The following CELSR1 variants were observed in gnomAD, a reference collection of about 807,000 sequenced individuals.
The protein encoded by CELSR1 is cadherin EGF LAG seven-pass G-type receptor 1, also known as adhesion G protein-coupled receptor C1.
Under a neutral mutation model 249.1 loss-of-function variants are expected in CELSR1, and 110 were observed. The observed-to-expected ratio is 0.44, with a 90% CI of 0.38 to 0.52. The LOEUF (loss-of-function observed/expected upper bound fraction) is 0.52. Among genes scored for constraint, CELSR1 ranks in the 20% least tolerant of loss-of-function variants. The probability of loss-of-function intolerance (pLI) is 0.00; values close to 1 mark genes in which losing one functional copy is unlikely to be tolerated. For missense variants in CELSR1, 4,109 were observed against 4,296.4 expected, an observed-to-expected ratio of 0.96 and a Z score of 1.22; for synonymous variants, 2,113 against 1,900.0, an observed-to-expected ratio of 1.11 and a Z score of -2.92.
At chr22:46,521,704 C>A (rs2080687531) in intron 1 of CELSR1, among the ~76,000 whole-genome samples, 2 of 151,710 alleles carry the variant, frequency 1.3e-5, no homozygotes, top group African/African-American at 4.8e-5. Flanking sequence ...ATAATCCCAG[C>A]TACTGGGGAG....
In CELSR1 at chr22:46,391,626, C is replaced by T. The variant is rs372050386; in HGVS notation, c.6148+7G>A. The T allele has an allele frequency of 2.9e-5, 46 of 1,589,336 alleles. No individual in the cohort carries two copies. Among genetic ancestry groups the T allele is most frequent in the South Asian group, 1.9e-4 (17 of 88,896 alleles). On this transcript the variant is annotated splice_region_variant and intron_variant, in intron 15 of 34. Transcript: ENST00000674500. The surrounding 1 kb of genome is among the most constrained non-coding windows in gnomAD (Gnocchi z 4.3). The stretch of plus-strand genomic sequence containing the variant: ...TAACCTGCAGGGTGTCGAGGGGCAA[C>T]GCGGACCTTCACAGCCGAGCGTGGT...
rs750829103 is a variant in CELSR1, at chr22:46,408,386, T to C, written c.5226+610A>G. 2.0e-4 allele frequency among the ~76,000 whole-genome samples: 30 copies of C among 152,256 alleles called. No homozygotes were observed. Among genetic ancestry groups the C allele is most frequent in the South Asian group, 4.2e-4 (2 of 4,816 alleles). ...CTGTCTTGTCGTCCAGACTGGAGTG[T>C]GGTGACACGTTCTCGGGTCACTGCA... On this transcript the variant is annotated intron_variant, in intron 9 of 34. Coordinates refer to ENST00000674500, the MANE Select transcript of CELSR1 (RefSeq NM_001378328.1). This position sits in a 1 kb window ranked among gnomAD's most constrained non-coding sequence, Gnocchi z 4.6.
In CELSR1 at chr22:46,407,291, A is replaced by C. The variant is rs1386880648; in HGVS notation, c.5226+1705T>G. Among the ~76,000 whole-genome samples, 1 of 152,216 alleles carries C rather than the reference A, an allele frequency of 6.6e-6. No homozygotes were observed. Among genetic ancestry groups the C allele is most frequent in the African/African-American group, 2.4e-5 (1 of 41,456 alleles). ...CACGCATGGAGAGATGCACATACAC[A>C]GACTGACATGCACACACACTTGCAC... On this transcript the variant is annotated intron_variant, in intron 9 of 34. Transcript: ENST00000674500. This position sits in a 1 kb window ranked among gnomAD's most constrained non-coding sequence, Gnocchi z 4.8.
intron 19 of CELSR1, among the ~76,000 whole-genome samples, chr22:46,386,001 G>A (rs1318847685): frequency 2.0e-5 from 3 of 147,398 alleles, no homozygotes; most frequent in Admixed American, 1.3e-4. Flanking sequence ...ATGGAGTCTC[G>A]CTCTGTCACC....
At chr22:46,377,036 G>T in intron 24 of CELSR1, 25 bp downstream of exon 24, 1 of 1,609,372 alleles carries the variant, frequency 6.2e-7, no homozygotes, top group East Asian at 2.2e-5. Context: ...CCCAGACAGT[G>T]GGGAGGGGAG....
intron 1 of CELSR1, among the ~76,000 whole-genome samples, chr22:46,508,485 G>C (rs534397732): frequency 1.9e-4 from 23 of 124,034 alleles, no homozygotes; most frequent in African/African-American, 6.2e-4. Context: ...CTGTCCTCCT[G>C]CCAGAGCCCT....
chr22:46,464,193 C>T lies in CELSR1; in HGVS notation c.3697G>A (p.Ala1233Thr), dbSNP rs200980049. The part of the protein sequence containing the change: ...LLALFVEGVA[A>T]VLSTTKDDVF... Reference sequence around the variant, plus strand: ...TCGTCCTTGGTGGTGGACAGCACGGCGGCCACCCCCTCCACGAAGAGGGCC... The same window carrying T: ...TCGTCCTTGGTGGTGGACAGCACGGTGGCCACCCCCTCCACGAAGAGGGCC... The change falls in exon 2 of 35, where the codon GCC (alanine) becomes ACC (threonine). Residue 1233 changes from alanine (A) to threonine (T), a missense_variant. By Grantham distance (58) the Ala-to-Thr change is moderately conservative. This residue lies in a region of CELSR1 where 141 missense variants were observed against 209.4 expected (regional missense o/e 0.67). Transcript: ENST00000674500. This position sits in a 1 kb window ranked among gnomAD's most constrained non-coding sequence, Gnocchi z 8.5. The T allele has an allele frequency of 9.2e-5, 148 of 1,613,482 alleles. No homozygotes were observed. The highest frequency in any genetic ancestry group is 4.9e-4 in the Middle Eastern group (3 of 6,084).
chr22:46,530,880 G>A (rs1022517499), intron 1 of CELSR1, among the ~76,000 whole-genome samples: 6 of 152,172 alleles, frequency 3.9e-5, no homozygotes, highest in Non-Finnish European at 8.8e-5. Context: ...AAACGTAGTC[G>A]ATGGCTGGCC....
chr22:46,460,495 G>A (rs971264825), intron 2 of CELSR1, among the ~76,000 whole-genome samples: 22 of 152,288 alleles, frequency 1.4e-4, no homozygotes, highest in Non-Finnish European at 2.5e-4. Context: ...GAGGGGAGAC[G>A]GAACAGGGCC....
At chr22:46,442,980 C>T (rs961262897) in intron 2 of CELSR1, among the ~76,000 whole-genome samples, 1 of 152,020 alleles carries the variant, frequency 6.6e-6, no homozygotes, top group African/African-American at 2.4e-5. Flanking sequence ...CGCCTGTAGT[C>T]CCAGCTACTC....
At position 46,427,632 on chromosome 22, in the gene CELSR1, G is replaced by A. The variant is rs79122590; in HGVS notation, c.4611+5761C>T. Among the ~76,000 whole-genome samples, 697 of 152,280 alleles carry A rather than the reference G, an allele frequency of 4.6e-3. 2 individuals are homozygous for A. Among genetic ancestry groups the A allele is most frequent in the Non-Finnish European group, 8.1e-3 (548 of 68,012 alleles). ...CCTCATCACCGCACAGAACCCCACC[G>A]CACTGTTGGCAATGGTTGTTGACGT... On this transcript the variant is annotated intron_variant, in intron 5 of 34. Coordinates refer to ENST00000674500, the MANE Select transcript of CELSR1 (RefSeq NM_001378328.1). The surrounding 1 kb of genome is among the most constrained non-coding windows in gnomAD (Gnocchi z 4.2).
chr22:46,491,637 CTT>C (rs72436813), intron 1 of CELSR1, among the ~76,000 whole-genome samples: 57 of 136,230 alleles, frequency 4.2e-4, no homozygotes, highest in African/African-American at 5.5e-4. Flanking sequence ...CTCTCTCTCT[CTT>C]TTTTTTTTTT....
chr22:46,362,105 A>C lies in CELSR1; in HGVS notation c.*1118T>G, dbSNP rs544308675. Reference sequence around the variant, plus strand: ...TTAGAGAATTGGCAGGAGGTATGTAACGGCCTGGAAGGCCCCACACCTCTG... The same window carrying C: ...TTAGAGAATTGGCAGGAGGTATGTACCGGCCTGGAAGGCCCCACACCTCTG... On this transcript the variant is annotated 3_prime_UTR_variant, in exon 35 of 35. Coordinates refer to ENST00000674500, the MANE Select transcript of CELSR1 (RefSeq NM_001378328.1). 2 of 152,398 alleles carry C rather than the reference A, an allele frequency of 1.3e-5. No individual in the cohort carries two copies. Among genetic ancestry groups the C allele is most frequent in the South Asian group, 4.1e-4 (2 of 4,828 alleles). The allele number at this position is 152,398 out of a possible 1,614,324, so 9.4% of individuals were successfully genotyped here. A position where few individuals can be genotyped will look rare whatever the true frequency, so the allele number is the denominator to read the frequency against.
Position 46,406,492 on chromosome 22 carries a change from TC to T in CELSR1, c.5226+2503del, listed in dbSNP as rs1469473222. On this transcript the variant is annotated intron_variant, in intron 9 of 34. Transcript: ENST00000674500. This position sits in a 1 kb window ranked among gnomAD's most constrained non-coding sequence, Gnocchi z 5.4. Reference sequence around the variant, plus strand: ...GACCCATCTCCTGAGCCCTCGCTGATCTGCTGAGGGACTGACCTCCACCAGC... The same window carrying T: ...GACCCATCTCCTGAGCCCTCGCTGATTGCTGAGGGACTGACCTCCACCAGC... Among the ~76,000 whole-genome samples, 60 of 152,160 alleles carry T rather than the reference TC, an allele frequency of 3.9e-4. No individual in the cohort carries two copies. Among genetic ancestry groups the T allele is most frequent in the African/African-American group, 1.4e-3 (57 of 41,446 alleles).
chr22:46,385,961 G>C, intron 19 of CELSR1, among the ~76,000 whole-genome samples: 1 of 142,352 alleles, frequency 7.0e-6, no homozygotes, highest in Non-Finnish European at 1.5e-5. Context: ...ACAGGCGTGA[G>C]CCACCGCGCC....
At chr22:46,524,330 T>A (rs902948761) in intron 1 of CELSR1, among the ~76,000 whole-genome samples, 31 of 152,292 alleles carry the variant, frequency 2.0e-4, no homozygotes, top group African/African-American at 6.7e-4. Flanking sequence ...CCAGCCTCCT[T>A]GCTACATGAT....
In CELSR1 at chr22:46,407,291, AGACT is replaced by A. The variant is rs1160457355; in HGVS notation, c.5226+1701_5226+1704del. Among the ~76,000 whole-genome samples the A allele has an allele frequency of 2.0e-5, 3 of 152,216 alleles. No homozygotes were observed. The highest frequency in any genetic ancestry group is 2.9e-5 in the Non-Finnish European group (2 of 68,046). ...CACGCATGGAGAGATGCACATACAC[AGACT>A]GACATGCACACACACTTGCACGGAG... is the stretch of plus-strand genomic sequence containing the variant. On this transcript the variant is annotated intron_variant, in intron 9 of 34. Coordinates refer to ENST00000674500, the MANE Select transcript of CELSR1 (RefSeq NM_001378328.1). This position sits in a 1 kb window ranked among gnomAD's most constrained non-coding sequence, Gnocchi z 4.8.
intron 19 of CELSR1, among the ~76,000 whole-genome samples, chr22:46,385,718 C>T (rs2079025212): frequency 6.7e-6 from 1 of 149,172 alleles, no homozygotes. Context: ...GGCTCTCTCG[C>T]CCAGGCTGGA....
chr22:46,509,732 G>C (rs1216206520), intron 1 of CELSR1, among the ~76,000 whole-genome samples: 1 of 152,134 alleles, frequency 6.6e-6, no homozygotes, highest in Non-Finnish European at 1.5e-5. Flanking sequence ...GGGCTCCTGA[G>C]GATGGCTGGC....
Sources: allele counts gnomAD v4.1 joint callset (sites outside exome capture counted in the v4.1 genomes callset), GRCh38; gene constraint gnomAD v4.1.1; regional missense constraint gnomAD v4.1.1; non-coding constraint Gnocchi (gnomAD v3.1); transcripts MANE v1.5; gene names NCBI Gene and HGNC (gene_info 2026-07-23, HGNC 2026-07-21).